Variants in RBM17 observed in about 807,000 individuals in gnomAD.
RBM17 encodes the protein RNA binding motif protein 17, also known as splicing factor 45.
In RBM17, 7 loss-of-function variants were observed where a neutral mutation model predicts 53.2. The ratio of observed to expected loss-of-function variants is 0.13; its 90% CI spans 0.07 to 0.25. RBM17 has a LOEUF of 0.25. Ranked by LOEUF, RBM17 falls within the 10% of genes least tolerant of loss-of-function variation. The pLI is 1.00. For synonymous variants in RBM17, 167 were observed against 178.1 expected (o/e 0.94, Z 0.50); for missense variants, 257 against 496.7 (o/e 0.52, Z 4.59).
At chr10:6,095,334 T>C (rs1046068230) in intron 1 of RBM17, among the ~76,000 whole-genome samples, 1 of 152,046 alleles carries the variant, frequency 6.6e-6, no homozygotes, top group African/African-American at 2.4e-5. Flanking sequence ...TGCCTCACCC[T>C]CCGGAGTAGC....
intron 3 of RBM17, 63 bp downstream of exon 3, chr10:6,101,450 T>C (rs1840668689): frequency 2.0e-6 from 2 of 1,021,970 alleles, no homozygotes; most frequent in Non-Finnish European, 3.0e-6. Context: ...TTATTTTGCA[T>C]ATGAGTTACT....
rs1227624070 is a variant in RBM17, at chr10:6,113,512, A to G, written c.861A>G (p.Ala287=). The G allele has an allele frequency of 1.2e-6, 2 of 1,610,294 alleles. No individual in the cohort carries two copies. Among genetic ancestry groups the G allele is most frequent in the East Asian group, 2.2e-5 (1 of 44,862 alleles). ...TAATGGTATGTTTTGATACAGATGCATCCAAGAAGTCAGATTCAAATCCGC... is the reference window on the plus strand; with the variant it reads ...TAATGGTATGTTTTGATACAGATGCGTCCAAGAAGTCAGATTCAAATCCGC... ...IIVGDATEKD[A]SKKSDSNPLT... Residue 287 remains alanine, a synonymous_variant, in exon 9 of 12, where the codon GCA becomes GCG. Transcript: ENST00000379888.
At chr10:6,109,545 G>A (rs775600744) in intron 6 of RBM17, among the ~76,000 whole-genome samples, 4 of 152,296 alleles carry the variant, frequency 2.6e-5, no homozygotes, top group African/African-American at 4.8e-5. Flanking sequence ...GCTCCAGTGC[G>A]TAGCCCCTAA....
chr10:6,089,448 T>TTCC lies in RBM17; in HGVS notation c.-19+270_-19+272dup, dbSNP rs78296807. ...TGGCCCTGACCTTCTCCCTCTTCCCTTCCTCCTCCTCCTCCTCATGTCTGC... is the reference window on the plus strand; with the variant it reads ...TGGCCCTGACCTTCTCCCTCTTCCCTTCCTCCTCCTCCTCCTCCTCATGTCTGC... On this transcript the variant is annotated intron_variant, in intron 1 of 11. Coordinates refer to ENST00000379888, the MANE Select transcript of RBM17 (RefSeq NM_032905.5). The surrounding 1 kb of genome is among the most constrained non-coding windows in gnomAD (Gnocchi z 5.6). 0.25 allele frequency: 38,662 copies of TTCC among 153,234 alleles called. 6,080 individuals carry two copies. The highest frequency in any genetic ancestry group is 0.37 in the Middle Eastern group (111 of 304). 9.5% of individuals were successfully genotyped at this position (153,234 alleles called of 1,614,324 possible).
At chr10:6,111,196 A>C (rs1840831313) in intron 7 of RBM17, among the ~76,000 whole-genome samples, 1 of 152,216 alleles carries the variant, frequency 6.6e-6, no homozygotes, top group Admixed American at 6.5e-5. Flanking sequence ...TTAAGCCCTA[A>C]GCAGCAGTGG....
rs149555873 is a variant in RBM17, at chr10:6,093,669, T to G, written c.-18-3379T>G. ...GGCACTAACGTATTCATAAACACTT[T>G]CGGTAAAGTTCTCAAGTTATAAAGA... On this transcript the variant is annotated intron_variant, in intron 1 of 11. Transcript: ENST00000379888. Among the ~76,000 whole-genome samples, 46 of 152,364 alleles carry G rather than the reference T, an allele frequency of 3.0e-4. 1 individual carries two copies. In the East Asian group the frequency reaches 7.5e-3, roughly 25 times the overall value.
At chr10:6,101,681 C>CT in intron 3 of RBM17, among the ~76,000 whole-genome samples, 1 of 152,328 alleles carries the variant, frequency 6.6e-6, no homozygotes, top group East Asian at 1.9e-4. Flanking sequence ...CCTGTGCCTA[C>CT]TCCACCTTCT....
intron 6 of RBM17, among the ~76,000 whole-genome samples, chr10:6,109,520 A>G (rs1012369880): frequency 2.0e-5 from 3 of 152,202 alleles, no homozygotes; most frequent in Non-Finnish European, 4.4e-5. Flanking sequence ...TCATCTAACT[A>G]GGGTTGAAGC....
intron 1 of RBM17, among the ~76,000 whole-genome samples, chr10:6,095,995 C>T (rs1430730126): frequency 6.6e-6 from 1 of 152,142 alleles, no homozygotes; most frequent in African/African-American, 2.4e-5. Flanking sequence ...ACACGGTTTC[C>T]ATGGGAAAAT....
intron 1 of RBM17, among the ~76,000 whole-genome samples, chr10:6,090,484 CG>C (rs1840465812): frequency 6.6e-6 from 1 of 152,178 alleles, no homozygotes; most frequent in Non-Finnish European, 1.5e-5. Context: ...GCAGGTTGTG[CG>C]GTTGTGGAGC....
At chr10:6,111,476 A>C (rs1452694907) in intron 7 of RBM17, among the ~76,000 whole-genome samples, 1 of 152,204 alleles carries the variant, frequency 6.6e-6, no homozygotes, top group Non-Finnish European at 1.5e-5. Context: ...AGTAGCTGGG[A>C]CTACAGGTGC....
At position 6,115,872 on chromosome 10, in the gene RBM17, TAAAAAAAAA is replaced by T. The variant is rs71390125; in HGVS notation, c.*330_*338del. On this transcript the variant is annotated 3_prime_UTR_variant, in exon 12 of 12. Coordinates refer to ENST00000379888, the MANE Select transcript of RBM17 (RefSeq NM_032905.5). ...TTCAATGATGCAGCATTTCTTGCACTAAAAAAAAAAAAAAAAAAAAAACTAGAAAGTTTT... is the reference window on the plus strand; with the variant it reads ...TTCAATGATGCAGCATTTCTTGCACTAAAAAAAAAAAAACTAGAAAGTTTT... The T allele has an allele frequency of 1.7e-4, 23 of 137,418 alleles. No individual in the cohort carries two copies. Among genetic ancestry groups the T allele is most frequent in the Admixed American group, 1.2e-3 (17 of 13,680 alleles). 8.5% of individuals were successfully genotyped at this position (137,418 alleles called of 1,614,324 possible). A position where few individuals can be genotyped will look rare whatever the true frequency, so the allele number is the denominator to read the frequency against.
intron 7 of RBM17, 141 bp downstream of exon 7, chr10:6,110,268 G>A (rs560186326): frequency 2.3e-5 from 13 of 557,124 alleles, no homozygotes; most frequent in East Asian, 2.0e-4. Context: ...TGCCTCAATC[G>A]TGTGGAGCGT....
At chr10:6,111,872 C>CTG (rs1261046094) in intron 7 of RBM17, among the ~76,000 whole-genome samples, 1 of 152,286 alleles carries the variant, frequency 6.6e-6, no homozygotes, top group East Asian at 1.9e-4. Flanking sequence ...TTTTAATAAA[C>CTG]TGTGGTCATA....
At chr10:6,114,018 T>C (rs1182108430) in intron 9 of RBM17, 31 bp from the exon 10 acceptor site, 1 of 1,399,768 alleles carries the variant, frequency 7.1e-7, no homozygotes, top group South Asian at 1.2e-5. Context: ...TTATACTTGG[T>C]ACTTGAATTT....
intron 3 of RBM17, among the ~76,000 whole-genome samples, chr10:6,104,403 T>TCGGC (rs1840716172): frequency 6.6e-6 from 1 of 152,222 alleles, no homozygotes; most frequent in Admixed American, 6.5e-5. Flanking sequence ...AAATGCAGCC[T>TCGGC]ACCTGGGAAG....
In RBM17 at chr10:6,108,720, T is replaced by C; in HGVS notation, c.540T>C (p.Ser180=). 2 of 1,612,820 alleles carry C rather than the reference T, an allele frequency of 1.2e-6. No homozygotes were observed. The highest frequency in any genetic ancestry group is 1.7e-6 in the Non-Finnish European group (2 of 1,179,562). Residue 180 remains serine, a synonymous_variant, in exon 6 of 12, where the codon TCT becomes TCC. Coordinates refer to ENST00000379888, the MANE Select transcript of RBM17 (RefSeq NM_032905.5). The part of the protein sequence containing the change: ...MGGAAIAPPT[S]LVEKDKELPR... ...GAGCTGCCATTGCCCCACCCACTTC[T>C]CTGGTAGAGAAAGACAAAGAGTGTA...
chr10:6,108,646 T>G, intron 5 of RBM17, 40 bp from the exon 6 acceptor site: 1 of 1,571,216 alleles, frequency 6.4e-7, no homozygotes, highest in Non-Finnish European at 8.7e-7. Flanking sequence ...GAGTCTGGCA[T>G]CGGAAACCTC....
In RBM17 at chr10:6,116,519, G is replaced by A. The variant is rs1483336885; in HGVS notation, c.*963G>A. On this transcript the variant is annotated 3_prime_UTR_variant, in exon 12 of 12. Transcript: ENST00000379888. ...GGATGTGTGGCTTAAAAATTTATCAGGACCACAAAAAAGAAAACAAAAATA... is the reference window on the plus strand; with the variant it reads ...GGATGTGTGGCTTAAAAATTTATCAAGACCACAAAAAAGAAAACAAAAATA... 2.0e-5 allele frequency: 3 copies of A among 152,302 alleles called. No homozygotes were observed. The highest frequency in any genetic ancestry group is 4.4e-5 in the Non-Finnish European group (3 of 68,036). The allele number at this position is 152,302 out of a possible 1,614,324, so 9.4% of individuals were successfully genotyped here.
Sources: gnomAD v4.1 joint callset for allele counts (sites outside exome capture counted in the v4.1 genomes callset) on GRCh38, gnomAD v4.1.1 for gene constraint, Gnocchi (gnomAD v3.1) non-coding constraint, MANE v1.5 for transcripts, NCBI Gene and HGNC (gene_info 2026-07-23, HGNC 2026-07-21) for gene names.